The following ADGRV1 variants were observed in gnomAD, a reference collection of about 807,000 sequenced individuals.
The protein encoded by ADGRV1 is G-protein coupled receptor 98.
Under a neutral mutation model 596.2 loss-of-function variants are expected in ADGRV1, and 359 were observed. That is an observed-to-expected ratio of 0.60 (90% CI 0.55 to 0.66). The LOEUF is 0.66. Ranked by LOEUF, ADGRV1 falls within the 30% of genes least tolerant of loss-of-function variation. ADGRV1 has a pLI of 0.00. For synonymous variants in ADGRV1, 2,681 were observed against 2,679.2 expected, an observed-to-expected ratio of 1.00 and a Z score of -0.02; for missense variants, 7,274 against 7,575.6, an observed-to-expected ratio of 0.96 and a Z score of 1.48.
intron 55 of ADGRV1, 21 bp downstream of exon 55, chr5:90,755,206 A>T: frequency 6.5e-7 from 1 of 1,546,210 alleles, no homozygotes; most frequent in Non-Finnish European, 8.8e-7. Flanking sequence ...GCTGCAAAGA[A>T]TGTGATCTAA....
chr5:91,021,202 TA>T (rs1277895130), intron 85 of ADGRV1, among the ~76,000 whole-genome samples: 1 of 152,122 alleles, frequency 6.6e-6, no homozygotes, highest in African/African-American at 2.4e-5. Context: ...CTCATTTTTG[TA>T]TTATTTCTAG....
intron 84 of ADGRV1, among the ~76,000 whole-genome samples, chr5:90,970,315 A>G (rs1468557426): frequency 6.6e-6 from 1 of 152,154 alleles, no homozygotes; most frequent in Non-Finnish European, 1.5e-5. Context: ...ATAGCCAAAC[A>G]AAAGGCAGCA....
At chr5:90,821,998 G>A (rs188289973) in intron 75 of ADGRV1, 5,334 of 158,750 alleles carry the variant, frequency 0.034, 321 homozygotes, top group African/African-American at 0.12. Context: ...GGCAATGGCG[G>A]GCGCCCCTCC....
At chr5:90,747,424 T>G (rs1754748154) in intron 52 of ADGRV1, among the ~76,000 whole-genome samples, 1 of 152,082 alleles carries the variant, frequency 6.6e-6, no homozygotes, top group Admixed American at 6.6e-5. Context: ...TGGCTATGAT[T>G]TATTACGGCA....
intron 75 of ADGRV1, among the ~76,000 whole-genome samples, chr5:90,817,381 G>A (rs918822899): frequency 8.9e-4 from 135 of 151,442 alleles, no homozygotes; most frequent in African/African-American, 3.1e-3. Flanking sequence ...CACTCTGATG[G>A]TAGTTTCTTT....
At chr5:91,029,443 AC>A (rs771157405) in intron 85 of ADGRV1, among the ~76,000 whole-genome samples, 9 of 152,218 alleles carry the variant, frequency 5.9e-5, no homozygotes, top group Non-Finnish European at 8.8e-5. Flanking sequence ...TTCAATGAAC[AC>A]ATTTCCATAT....
At chr5:90,680,995 G>A (rs1454235563) in intron 26 of ADGRV1, among the ~76,000 whole-genome samples, 3 of 152,288 alleles carry the variant, frequency 2.0e-5, no homozygotes, top group South Asian at 2.1e-4. Flanking sequence ...CAGAAAGGTC[G>A]TGGGAGACCT....
In ADGRV1 at chr5:90,694,616, G is replaced by A; in HGVS notation, c.7860G>A (p.Val2620=). ...IHRTGGSLGQ[V]AVEWRVVGGT... Reference sequence around the variant, plus strand: ...GGACAGGGGGCAGCTTAGGTCAAGTGGCAGTCGAATGGCGTGTTGTTGGTG... The same window carrying A: ...GGACAGGGGGCAGCTTAGGTCAAGTAGCAGTCGAATGGCGTGTTGTTGGTG... The change falls in exon 33 of 90, where the codon GTG becomes GTA. Residue 2620 remains valine (V), a synonymous_variant. Coordinates refer to ENST00000405460, the MANE Select transcript of ADGRV1 (RefSeq NM_032119.4). 1 of 1,613,792 alleles carries A rather than the reference G, an allele frequency of 6.2e-7. No individual in the cohort carries two copies. Among genetic ancestry groups the A allele is most frequent in the Non-Finnish European group, 8.5e-7 (1 of 1,179,786 alleles).
At chr5:90,967,282 A>G (rs1778557710) in intron 84 of ADGRV1, among the ~76,000 whole-genome samples, 1 of 152,176 alleles carries the variant, frequency 6.6e-6, no homozygotes, top group Non-Finnish European at 1.5e-5. Flanking sequence ...TATAGGGATA[A>G]TAATTCCTAA....
intron 87 of ADGRV1, among the ~76,000 whole-genome samples, chr5:91,111,985 T>C (rs1448492566): frequency 1.3e-5 from 2 of 152,272 alleles, no homozygotes; most frequent in African/African-American, 4.8e-5. Flanking sequence ...TATGCCTCTC[T>C]GCCCCGTGTT....
chr5:90,823,446 C>A lies in ADGRV1; in HGVS notation c.16218C>A (p.Val5406=). 1 of 1,613,690 alleles carries A rather than the reference C, an allele frequency of 6.2e-7. No individual in the cohort carries two copies. Among genetic ancestry groups the A allele is most frequent in the Admixed American group, 1.7e-5 (1 of 59,960 alleles). The change falls in exon 76 of 90, where the codon GTC becomes GTA. Residue 5406 remains valine (V), a synonymous_variant. Transcript: ENST00000405460. ...ACAGGGCCTTTGAAGATGTCAAGGT[C>A]TTTTGGCGAGTCACACTTAACAAAA... ...QPNRAFEDVK[V]FWRVTLNKTV...
chr5:91,118,614 C>T (rs1185689589), intron 87 of ADGRV1, among the ~76,000 whole-genome samples: 2 of 151,956 alleles, frequency 1.3e-5, no homozygotes, highest in African/African-American at 2.4e-5. Flanking sequence ...TACATAAATG[C>T]ATAAAACACA....
intron 85 of ADGRV1, among the ~76,000 whole-genome samples, chr5:91,023,605 C>T (rs536646198): frequency 6.6e-6 from 1 of 152,064 alleles, no homozygotes; most frequent in South Asian, 2.1e-4. Context: ...GGAAATACAC[C>T]ATATCCCCAT....
chr5:90,892,946 G>T (rs4916826), intron 83 of ADGRV1, among the ~76,000 whole-genome samples: 40,092 of 152,092 alleles, frequency 0.26, 5,762 homozygotes, highest in Non-Finnish European at 0.32. Flanking sequence ...AACAGGGGTA[G>T]ATGAGTTGCA....
chr5:91,055,140 A>G lies in ADGRV1; in HGVS notation c.18153-17307A>G, dbSNP rs182293916. Among the ~76,000 whole-genome samples, 15 of 152,278 alleles carry G rather than the reference A, an allele frequency of 9.9e-5. No homozygotes were observed. In the East Asian group the frequency reaches 1.7e-3, roughly 18 times the overall value. ...GAGCCTTCACATTTAACTCACTGCT[A>G]TAAGTGCTCTAAAGGAAATGTTTGC... On this transcript the variant is annotated intron_variant, in intron 85 of 89. Transcript: ENST00000405460.
At chr5:90,706,770 T>C (rs1177293433) in intron 38 of ADGRV1, among the ~76,000 whole-genome samples, 1 of 151,878 alleles carries the variant, frequency 6.6e-6, no homozygotes, top group Non-Finnish European at 1.5e-5. Context: ...ATATCAGGTT[T>C]GGACACTCTA....
chr5:90,994,032 T>C (rs934883976), intron 85 of ADGRV1, among the ~76,000 whole-genome samples: 8 of 151,886 alleles, frequency 5.3e-5, no homozygotes, highest in Non-Finnish European at 1.2e-4. Flanking sequence ...TAGTGAAATC[T>C]TCATTTTGGG....
At position 90,694,518 on chromosome 5, in the gene ADGRV1, A is replaced by G. The variant is rs781365085; in HGVS notation, c.7762A>G (p.Asn2588Asp). The change falls in exon 33 of 90, where the codon AAT becomes GAT. Residue 2588 changes from asparagine (N) to aspartate (D), a missense_variant. Coordinates refer to ENST00000405460, the MANE Select transcript of ADGRV1 (RefSeq NM_032119.4). ...GVFVIYNISPNTSEDGLFVEV... is the reference protein window; with the variant it reads ...GVFVIYNISPDTSEDGLFVEV... Reference sequence around the variant, plus strand: ...GTTTGTGATCTACAATATTAGTCCCAATACTTCCGAAGATGGCTTATTTGT... The same window carrying G: ...GTTTGTGATCTACAATATTAGTCCCGATACTTCCGAAGATGGCTTATTTGT... 3.7e-6 allele frequency: 6 copies of G among 1,613,830 alleles called. No homozygotes were observed. In the African/African-American group the frequency reaches 4.0e-5, roughly 11 times the overall value.
intron 87 of ADGRV1, among the ~76,000 whole-genome samples, chr5:91,123,522 C>T (rs1356326723): frequency 6.6e-6 from 1 of 152,096 alleles, no homozygotes; most frequent in Admixed American, 6.6e-5. Flanking sequence ...GGGTAGAGCC[C>T]TCATGACCTA....
Sources: allele counts gnomAD v4.1 joint callset (sites outside exome capture counted in the v4.1 genomes callset), GRCh38; gene constraint gnomAD v4.1.1; transcripts MANE v1.5; gene names NCBI Gene and HGNC (gene_info 2026-07-23, HGNC 2026-07-21).